NGFR: variants seen among roughly 807,000 people sequenced by gnomAD.
NGFR encodes the protein tumor necrosis factor receptor superfamily member 16.
In NGFR, 30 loss-of-function variants were observed where a neutral mutation model predicts 43.2. The ratio of observed to expected loss-of-function variants is 0.69; its 90% confidence interval spans 0.52 to 0.94. The LOEUF is 0.94. Among genes scored for constraint, NGFR ranks in the 40% least tolerant of loss-of-function variants. The pLI is 0.00. For missense variants in NGFR, 529 were observed against 602.5 expected, an observed-to-expected ratio of 0.88 and a Z score of 1.28; for synonymous variants, 246 against 259.6, an observed-to-expected ratio of 0.95 and a Z score of 0.50.
chr17:49,502,000 A>ACCCGGCCC, intron 1 of NGFR, 63 bp from the exon 2 acceptor site: 1 of 264,886 alleles, frequency 3.8e-6, no homozygotes, highest in Non-Finnish European at 7.9e-6. Context: ...CCCCGGAAGA[A>ACCCGGCCC]CCCCCCCCAA....
chr17:49,495,339 G>A lies in NGFR; in HGVS notation c.-79G>A, dbSNP rs949759682. 20 of 1,122,056 alleles carry A rather than the reference G, an allele frequency of 1.8e-5. No homozygotes were observed. The South Asian group carries it at 8.5e-4, about 48-fold the overall frequency. 69.5% of individuals were successfully genotyped at this position (1,122,056 alleles called of 1,614,324 possible). A position where few individuals can be genotyped will look rare whatever the true frequency, so the allele number is the denominator to read the frequency against. On this transcript the variant is annotated 5_prime_UTR_variant, in exon 1 of 6. Coordinates refer to ENST00000172229, the MANE Select transcript of NGFR (RefSeq NM_002507.4). This position sits in a 1 kb window ranked among gnomAD's most constrained non-coding sequence, Gnocchi z 6.4. ...AGCTCCGGCGGGCAGGGGGGGCGCT[G>A]GAGCGCAGCGCAGCGCAGCCCCATC...
Position 49,502,078 on chromosome 17 carries a change from GC to G in NGFR, c.84del (p.Lys29ArgfsTer43). On this transcript the variant is annotated frameshift_variant, in exon 2 of 6. Coordinates refer to ENST00000172229, the MANE Select transcript of NGFR (RefSeq NM_002507.4). LOFTEE classifies it high-confidence loss of function. ...CTCCATCCAGGTGTCCCTTGGAGGTGCCAAGGAGGCATGCCCCACAGGCCTG... is the reference window on the plus strand; with the variant it reads ...CTCCATCCAGGTGTCCCTTGGAGGTGCAAGGAGGCATGCCCCACAGGCCTG... The part of the protein sequence containing the change: ...LLLLGVSLGG[A>X]KEACPTGLYT... 6.3e-7 allele frequency: 1 copy of G among 1,584,706 alleles called. No individual in the cohort carries two copies. Among genetic ancestry groups the G allele is most frequent in the Non-Finnish European group, 8.6e-7 (1 of 1,159,200 alleles).
chr17:49,509,300 G>A (rs1289404987), intron 3 of NGFR, among the ~76,000 whole-genome samples: 1 of 152,204 alleles, frequency 6.6e-6, no homozygotes, highest in Non-Finnish European at 1.5e-5. Context: ...GGGCTGGGAG[G>A]GCAGAGCTGG....
Position 49,506,495 on chromosome 17 carries a change from G to A in NGFR, c.405G>A (p.Val135=). The A allele has an allele frequency of 1.2e-6, 2 of 1,611,238 alleles. No individual in the cohort carries two copies. The highest frequency in any genetic ancestry group is 1.7e-6 in the Non-Finnish European group (2 of 1,179,480). ...CRVCEAGSGL[V]FSCQDKQNTV... is the part of the protein sequence containing the mutation. The stretch of plus-strand genomic sequence containing the variant: ...TGTGCGAGGCGGGCTCGGGCCTCGT[G>A]TTCTCCTGCCAGGACAAGCAGAACA... The change falls in exon 3 of 6, where the codon GTG becomes GTA. Residue 135 remains valine (V), a synonymous_variant. Transcript: ENST00000172229.
At chr17:49,499,189 T>C (rs2071153952) in intron 1 of NGFR, among the ~76,000 whole-genome samples, 1 of 152,072 alleles carries the variant, frequency 6.6e-6, no homozygotes, top group South Asian at 2.1e-4. Context: ...AATGCAGTTT[T>C]TAAGAGAAGA....
intron 1 of NGFR, among the ~76,000 whole-genome samples, chr17:49,500,477 A>G (rs565042): frequency 0.27 from 41,571 of 152,202 alleles, 6,793 homozygotes; most frequent in Non-Finnish European, 0.38. Flanking sequence ...CAGGCCAGAC[A>G]AAAGCAGAGA....
At position 49,506,537 on chromosome 17, in the gene NGFR, C is replaced by T; in HGVS notation, c.447C>T (p.Cys149=). The stretch of plus-strand genomic sequence containing the variant: ...AGCAGAACACCGTGTGCGAGGAGTG[C>T]CCCGACGGCACGTATTCCGACGAGG... ...QDKQNTVCEE[C]PDGTYSDEAN... The change falls in exon 3 of 6, where the codon TGC becomes TGT. Residue 149 remains cysteine, a synonymous_variant. Coordinates refer to ENST00000172229, the MANE Select transcript of NGFR (RefSeq NM_002507.4). 1.9e-6 allele frequency: 3 copies of T among 1,611,836 alleles called. No individual in the cohort carries two copies. Among genetic ancestry groups the T allele is most frequent in the Non-Finnish European group, 2.5e-6 (3 of 1,179,608 alleles).
intron 1 of NGFR, among the ~76,000 whole-genome samples, chr17:49,499,892 A>C (rs906043112): frequency 6.6e-6 from 1 of 152,174 alleles, no homozygotes; most frequent in Non-Finnish European, 1.5e-5. Context: ...CGGCCGGCAC[A>C]TGCCTTTCTA....
rs1420370490 is a variant in NGFR at position 49,506,675 on chromosome 17, G to T, written c.568+17G>T. 3 of 1,401,868 alleles carry T rather than the reference G, an allele frequency of 2.1e-6. No homozygotes were observed. In the African/African-American group the frequency reaches 4.4e-5, roughly 20 times the overall value. 86.8% of individuals were successfully genotyped at this position (1,401,868 alleles called of 1,614,324 possible). ...AGTGCGAGGGTGAGTGCGGTTCGGG[G>T]GGCGGGGGGAGTGGGGGTGCGGGGG... On this transcript the variant is annotated intron_variant, in intron 3 of 5. Coordinates refer to ENST00000172229, the MANE Select transcript of NGFR (RefSeq NM_002507.4).
chr17:49,498,414 C>A (rs1219673265), intron 1 of NGFR, among the ~76,000 whole-genome samples: 8 of 152,202 alleles, frequency 5.3e-5, no homozygotes, highest in African/African-American at 1.9e-4. Flanking sequence ...TGTGCCAGTG[C>A]CTCCCCTGGG....
chr17:49,506,701 T>TGGGGGGGGGGGGGGGGGG, intron 3 of NGFR, 43 bp downstream of exon 3: 1 of 148,986 alleles, frequency 6.7e-6, no homozygotes, highest in Non-Finnish European at 1.1e-5. Flanking sequence ...GGTGCGGGGG[T>TGGGGGGGGGGGGGGGGGG]GGGCTGGGGG....
At chr17:49,510,203 C>T (rs553407841) in intron 3 of NGFR, among the ~76,000 whole-genome samples, 139 of 152,292 alleles carry the variant, frequency 9.1e-4, no homozygotes, top group African/African-American at 3.2e-3. Context: ...AAGTCAGTGG[C>T]GAAGCTGAAG....
At position 49,512,960 on chromosome 17, in the gene NGFR, A is replaced by G. The variant is rs761316277; in HGVS notation, c.1235A>G (p.Asp412Gly). ...GCCCTGCGCCGCATCCAGCGAGCCG[A>G]CCTCGTGGAGAGTCTGTGCAGTGAG... ...LAALRRIQRA[D>G]LVESLCSEST... is the part of the protein sequence containing the mutation. The change falls in exon 6 of 6, where the codon GAC (aspartate) becomes GGC (glycine). Residue 412 changes from aspartate (D) to glycine (G), a missense_variant. Physicochemically the swap from Asp to Gly is moderately conservative, Grantham distance 94. Coordinates refer to ENST00000172229, the MANE Select transcript of NGFR (RefSeq NM_002507.4). The surrounding 1 kb of genome is among the most constrained non-coding windows in gnomAD (Gnocchi z 5.2). 1.9e-6 allele frequency: 3 copies of G among 1,607,868 alleles called. No homozygotes were observed. In the South Asian group the frequency reaches 3.3e-5, roughly 18 times the overall value.
chr17:49,507,023 A>G (rs1051598574), intron 3 of NGFR, among the ~76,000 whole-genome samples: 3 of 152,168 alleles, frequency 2.0e-5, no homozygotes, highest in African/African-American at 7.2e-5. Context: ...GAAGGTGGCC[A>G]CTACCCCCAG....
At chr17:49,502,243 T>G in intron 2 of NGFR, 39 bp downstream of exon 2, 7 of 1,551,766 alleles carry the variant, frequency 4.5e-6, no homozygotes, top group South Asian at 1.2e-5. Flanking sequence ...GGGAGAAGAA[T>G]GGGAGGGAGG....
chr17:49,512,725 GGCCTCTACAGCA>G lies in NGFR; in HGVS notation c.1005_1016del (p.Tyr336_Leu339del), dbSNP rs950416008. 1.0e-5 allele frequency: 16 copies of G among 1,605,806 alleles called. No individual in the cohort carries two copies. Among genetic ancestry groups the G allele is most frequent in the Non-Finnish European group, 1.3e-5 (15 of 1,175,992 alleles). ...CTCTGCAGCCCTCAAGGGTGACGGA[GGCCTCTACAGCA>G]GCCTGCCCCCAGCCAAGCGGGAGGA... On this transcript the variant is annotated inframe_deletion, in exon 6 of 6. Transcript: ENST00000172229. The surrounding 1 kb of genome is among the most constrained non-coding windows in gnomAD (Gnocchi z 5.2).
Position 49,506,584 on chromosome 17 carries a change from T to G in NGFR, c.494T>G (p.Leu165Arg), listed in dbSNP as rs1387040848. 1 of 1,609,942 alleles carries G rather than the reference T, an allele frequency of 6.2e-7. No individual in the cohort carries two copies. The highest frequency in any genetic ancestry group is 8.5e-7 in the Non-Finnish European group (1 of 1,178,914). The change falls in exon 3 of 6, where the codon CTG (leucine) becomes CGG (arginine). Residue 165 changes from leucine to arginine, a missense_variant. By Grantham distance (102) the Leu-to-Arg change is moderately radical. Coordinates refer to ENST00000172229, the MANE Select transcript of NGFR (RefSeq NM_002507.4). ...SDEANHVDPCLPCTVCEDTER... is the reference protein window; with the variant it reads ...SDEANHVDPCRPCTVCEDTER... ...GAGGCCAACCACGTGGACCCGTGCC[T>G]GCCCTGCACCGTGTGCGAGGACACC...
chr17:49,501,952 G>C lies in NGFR; in HGVS notation c.67-111G>C. ...CTGGTGAGCTCATCCCAGCCCAGGT[G>C]GTTCTAATAGAAGGCAGTGGGAGGA... is the stretch of plus-strand genomic sequence containing the variant. On this transcript the variant is annotated intron_variant, in intron 1 of 5. Coordinates refer to ENST00000172229, the MANE Select transcript of NGFR (RefSeq NM_002507.4). 5 of 1,117,940 alleles carry C rather than the reference G, an allele frequency of 4.5e-6. No individual in the cohort carries two copies. The South Asian group carries it at 9.2e-5, about 21-fold the overall frequency. The allele number at this position is 1,117,940 out of a possible 1,614,324, so 69.3% of individuals were successfully genotyped here.
At position 49,512,720 on chromosome 17, in the gene NGFR, A is replaced by G. The variant is rs774150115; in HGVS notation, c.995A>G (p.Asp332Gly). 2.5e-6 allele frequency: 4 copies of G among 1,602,260 alleles called. No individual in the cohort carries two copies. Among genetic ancestry groups the G allele is most frequent in the Admixed American group, 3.4e-5 (2 of 59,192 alleles). Residue 332 changes from aspartate (D) to glycine (G), a missense_variant, in exon 6 of 6, where the codon GAC (aspartate) becomes GGC (glycine). Coordinates refer to ENST00000172229, the MANE Select transcript of NGFR (RefSeq NM_002507.4). The surrounding 1 kb of genome is among the most constrained non-coding windows in gnomAD (Gnocchi z 5.2). Reference protein sequence around the residue: ...QTASGQALKGDGGLYSSLPPA... With the variant: ...QTASGQALKGGGGLYSSLPPA... ...GGTTTCTCTGCAGCCCTCAAGGGTG[A>G]CGGAGGCCTCTACAGCAGCCTGCCC...
Sources: gnomAD v4.1 joint callset for allele counts (sites outside exome capture counted in the v4.1 genomes callset) on GRCh38, gnomAD v4.1.1 for gene constraint, Gnocchi (gnomAD v3.1) non-coding constraint, MANE v1.5 for transcripts, NCBI Gene and HGNC (gene_info 2026-07-23, HGNC 2026-07-21) for gene names.